The following SH3GL3 variants were observed in gnomAD, a reference collection of about 807,000 sequenced individuals.
SH3GL3 encodes the protein SH3 domain containing GRB2 like 3, endophilin A3.
Under a neutral mutation model 47.7 loss-of-function variants are expected in SH3GL3, and 33 were observed. That is an observed-to-expected ratio of 0.69 (90% confidence interval 0.52 to 0.92). The LOEUF is 0.92. SH3GL3 is among the 40% of genes least tolerant of loss of function. The pLI is 0.00. For synonymous variants in SH3GL3, 155 were observed against 148.8 expected (o/e 1.04, Z -0.30); for missense variants, 363 against 417.8 (o/e 0.87, Z 1.14).
At chr15:83,596,192 C>T (rs1424234603) in intron 8 of SH3GL3, among the ~76,000 whole-genome samples, 2 of 152,062 alleles carry the variant, frequency 1.3e-5, no homozygotes, top group African/African-American at 4.8e-5. Flanking sequence ...AGATCTCTTT[C>T]TGTTTTAGAT....
At chr15:83,556,840 C>G (rs982446277) in intron 1 of SH3GL3, among the ~76,000 whole-genome samples, 8 of 152,220 alleles carry the variant, frequency 5.3e-5, no homozygotes, top group Admixed American at 6.5e-5. Flanking sequence ...GCTCACTCAC[C>G]TGTTGCCGGT....
chr15:83,599,651 C>T (rs921160152), intron 8 of SH3GL3, among the ~76,000 whole-genome samples: 10 of 152,224 alleles, frequency 6.6e-5, no homozygotes, highest in Admixed American at 5.2e-4. Context: ...CTGCTATAAA[C>T]ATGCGTGTGC....
At chr15:83,616,016 A>G (rs1250256251) in intron 8 of SH3GL3, among the ~76,000 whole-genome samples, 1 of 152,140 alleles carries the variant, frequency 6.6e-6, no homozygotes, top group Non-Finnish European at 1.5e-5. Flanking sequence ...TGCCAAAACA[A>G]AATAGAAACC....
intron 1 of SH3GL3, among the ~76,000 whole-genome samples, chr15:83,535,338 C>T (rs1323916127): frequency 5.9e-5 from 9 of 152,068 alleles, no homozygotes; most frequent in Admixed American, 2.0e-4. Context: ...AGGAGAATGA[C>T]GTACATTAAT....
At chr15:83,515,529 G>T (rs11638296) in intron 1 of SH3GL3, among the ~76,000 whole-genome samples, 17,210 of 152,092 alleles carry the variant, frequency 0.11, 1,040 homozygotes, top group Non-Finnish European at 0.13. Flanking sequence ...TGCAGGTGGG[G>T]GGGGAGGGGA....
intron 1 of SH3GL3, among the ~76,000 whole-genome samples, chr15:83,464,386 C>T (rs2040464684): frequency 6.6e-6 from 1 of 152,118 alleles, no homozygotes; most frequent in Non-Finnish European, 1.5e-5. Context: ...TTTGCATGCT[C>T]CCAAGGTAGC....
intron 1 of SH3GL3, among the ~76,000 whole-genome samples, chr15:83,513,006 T>A (rs2042831782): frequency 6.6e-6 from 1 of 152,180 alleles, no homozygotes; most frequent in Non-Finnish European, 1.5e-5. Flanking sequence ...ATCCACATAC[T>A]CCTTTTCAGA....
chr15:83,588,974 AT>A (rs2060022236), intron 8 of SH3GL3, among the ~76,000 whole-genome samples: 1 of 152,184 alleles, frequency 6.6e-6, no homozygotes, highest in Admixed American at 6.5e-5. Flanking sequence ...ATAATGTAGC[AT>A]TTAGAACCTT....
intron 1 of SH3GL3, among the ~76,000 whole-genome samples, chr15:83,462,729 C>G (rs920513039): frequency 1.3e-5 from 2 of 152,158 alleles, no homozygotes; most frequent in Admixed American, 6.5e-5. Context: ...TAATGTTTGT[C>G]TAGTGTCTTA....
At chr15:83,590,131 A>G (rs995508401) in intron 8 of SH3GL3, among the ~76,000 whole-genome samples, 1 of 151,774 alleles carries the variant, frequency 6.6e-6, no homozygotes, top group Non-Finnish European at 1.5e-5. Context: ...GCTTTGTCTT[A>G]TTGTTTTATA....
chr15:83,624,698 T>C, the SH3GL3 span, among the ~76,000 whole-genome samples: 1 of 152,176 alleles, frequency 6.6e-6, no homozygotes. Flanking sequence ...ATAAAATATC[T>C]GGGATGTTAA....
intron 1 of SH3GL3, among the ~76,000 whole-genome samples, chr15:83,485,314 T>C (rs1428926740): frequency 1.3e-5 from 2 of 152,206 alleles, no homozygotes; most frequent in Non-Finnish European, 2.9e-5. Flanking sequence ...CTGTGTTCCT[T>C]CATATATTAA....
In SH3GL3 at chr15:83,568,582, G is replaced by T. The variant is rs764980950; in HGVS notation, c.241G>T (p.Val81Leu). The T allele has an allele frequency of 5.6e-6, 9 of 1,613,360 alleles. No individual in the cohort carries two copies. The Admixed American group carries it at 1.3e-4, about 24-fold the overall frequency. ...CACTGTGTCGAAGATCCGAGGGCAG[G>T]TGAAGACCACAGGATACCCGCAGAC... Reference protein sequence around the residue: ...LNTVSKIRGQVKTTGYPQTEG... With the variant: ...LNTVSKIRGQLKTTGYPQTEG... Residue 81 changes from valine (V) to leucine (L), a missense_variant, in exon 4 of 9, where the codon GTG becomes TTG. Val to Leu is a conservative substitution (Grantham distance 32). Coordinates refer to ENST00000427482, the MANE Select transcript of SH3GL3 (RefSeq NM_003027.5).
intron 3 of SH3GL3, chr15:83,565,596 A>G (rs1436609997): frequency 6.5e-6 from 1 of 154,614 alleles, no homozygotes; most frequent in Non-Finnish European, 1.4e-5. Context: ...TGTTAATTTG[A>G]AAAAGCTTTC....
intron 1 of SH3GL3, among the ~76,000 whole-genome samples, chr15:83,505,341 C>A (rs954899055): frequency 1.3e-5 from 2 of 152,020 alleles, no homozygotes; most frequent in African/African-American, 4.8e-5. Flanking sequence ...ATACTCCAAT[C>A]TGCAGGACGT....
At chr15:83,609,964 A>G (rs1175730543) in intron 8 of SH3GL3, among the ~76,000 whole-genome samples, 1 of 152,128 alleles carries the variant, frequency 6.6e-6, no homozygotes, top group Non-Finnish European at 1.5e-5. Flanking sequence ...CACTGTTTTT[A>G]ACTGAAGCCT....
At chr15:83,624,212 G>C in the SH3GL3 span, among the ~76,000 whole-genome samples, 2 of 152,068 alleles carry the variant, frequency 1.3e-5, no homozygotes, top group Non-Finnish European at 2.9e-5. Context: ...CTCTTGTTTT[G>C]CTATAGAGGC....
intron 1 of SH3GL3, among the ~76,000 whole-genome samples, chr15:83,543,405 T>C (rs758599122): frequency 7.2e-5 from 11 of 152,098 alleles, no homozygotes; most frequent in Non-Finnish European, 1.6e-4. Flanking sequence ...GATTTTTGCA[T>C]TGATGTTCAT....
intron 6 of SH3GL3, among the ~76,000 whole-genome samples, chr15:83,578,675 AT>A (rs1245126229): frequency 4.2e-5 from 6 of 143,226 alleles, no homozygotes; most frequent in Non-Finnish European, 6.2e-5. Context: ...TTTTTTTTAC[AT>A]TTTTTTTGGG....
Sources: gnomAD v4.1 joint callset for allele counts (sites outside exome capture counted in the v4.1 genomes callset) on GRCh38, gnomAD v4.1.1 for gene constraint, MANE v1.5 for transcripts, NCBI Gene and HGNC (gene_info 2026-07-23, HGNC 2026-07-21) for gene names.